Variants in RAB3GAP2 observed in about 807,000 individuals in gnomAD.
The protein encoded by RAB3GAP2 is RAB3 GTPase activating non-catalytic protein subunit 2, also known as rab3 GTPase-activating protein non-catalytic subunit.
Under a neutral mutation model 185.3 loss-of-function variants are expected in RAB3GAP2, and 87 were observed. That is an observed-to-expected ratio of 0.47 (90% CI 0.39 to 0.56). The LOEUF (loss-of-function observed/expected upper bound fraction) is 0.56, where lower values mean the gene tolerates loss of function less well. RAB3GAP2 is among the 20% of genes least tolerant of loss of function. The probability of loss-of-function intolerance (pLI) is 0.00; values close to 1 mark genes in which losing one functional copy is unlikely to be tolerated. For missense variants in RAB3GAP2, 1,492 were observed against 1,638.2 expected (o/e 0.91, Z 1.54); for synonymous variants, 554 against 576.1 (o/e 0.96, Z 0.55).
intron 8 of RAB3GAP2, among the ~76,000 whole-genome samples, chr1:220,204,877 T>A (rs543204502): frequency 7.9e-5 from 12 of 152,122 alleles, no homozygotes; most frequent in African/African-American, 2.2e-4. Flanking sequence ...GAGAATGGTT[T>A]CCAGTTTCAT....
intron 20 of RAB3GAP2, 33 bp downstream of exon 20, chr1:220,182,685 G>A (rs1266015148): frequency 6.9e-7 from 1 of 1,443,840 alleles, no homozygotes; most frequent in East Asian, 2.3e-5. Context: ...TAAAAGAAGA[G>A]GCATACAAAG....
At chr1:220,171,745 A>G (rs1398994374) in intron 23 of RAB3GAP2, 144 bp downstream of exon 23, 2 of 865,636 alleles carry the variant, frequency 2.3e-6, no homozygotes, top group Admixed American at 4.5e-5. Context: ...TATCCACGGC[A>G]TCATTCTCAA....
Position 220,157,536 on chromosome 1 carries a change from T to C in RAB3GAP2, c.3337-48A>G, listed in dbSNP as rs1400491066. Reference sequence around the variant, plus strand: ...ACTGTGTTCAGTAATGGAAAAATAATAGCTTACAAATATCCCAATGAGTTT... The same window carrying C: ...ACTGTGTTCAGTAATGGAAAAATAACAGCTTACAAATATCCCAATGAGTTT... On this transcript the variant is annotated intron_variant, in intron 30 of 34. Transcript: ENST00000358951. The C allele has an allele frequency of 1.9e-6, 3 of 1,568,458 alleles. No individual in the cohort carries two copies. The East Asian group carries it at 6.7e-5, about 35-fold the overall frequency.
At position 220,167,527 on chromosome 1, in the gene RAB3GAP2, C is replaced by T. The variant is rs754509783; in HGVS notation, c.2955G>A (p.Met985Ile). ...VNRSFLEVSE[M>I]EMDLGAIPDL... ...CTGGTATGGCTCCTAAGTCCATCTC[C>T]ATCTCTGATACCTCAAGGAAACTTC... The change falls in exon 25 of 35, where the codon ATG becomes ATA. Residue 985 changes from methionine (M) to isoleucine (I), a missense_variant. Around this residue, in one of 5 missense-constraint regions of RAB3GAP2, gnomAD observed 681 missense variants for 689.1 expected, o/e 0.99. Transcript: ENST00000358951. The T allele has an allele frequency of 3.3e-5, 54 of 1,614,020 alleles. No homozygotes were observed. Among genetic ancestry groups the T allele is most frequent in the Non-Finnish European group, 4.5e-5 (53 of 1,180,020 alleles).
chr1:220,189,559 A>C lies in RAB3GAP2; in HGVS notation c.1779+144T>G, dbSNP rs557281465. Reference sequence around the variant, plus strand: ...AAGAGACAACAGGAACTTCTATCTGAAAATAAAGAAAGGGATAAACAATAA... The same window carrying C: ...AAGAGACAACAGGAACTTCTATCTGCAAATAAAGAAAGGGATAAACAATAA... On this transcript the variant is annotated intron_variant, in intron 17 of 34. Coordinates refer to ENST00000358951, the MANE Select transcript of RAB3GAP2 (RefSeq NM_012414.4). 9.3e-6 allele frequency: 7 copies of C among 752,486 alleles called. No individual in the cohort carries two copies. In the African/African-American group the frequency reaches 1.3e-4, roughly 14 times the overall value. 46.6% of individuals were successfully genotyped at this position (752,486 alleles called of 1,614,324 possible). A position where few individuals can be genotyped will look rare whatever the true frequency, so the allele number is the denominator to read the frequency against.
chr1:220,229,210 C>T (rs190413373), intron 2 of RAB3GAP2, among the ~76,000 whole-genome samples: 3 of 152,060 alleles, frequency 2.0e-5, no homozygotes, highest in Non-Finnish European at 2.9e-5. Flanking sequence ...AAGAGGCACA[C>T]GACCCTCATG....
chr1:220,172,136 C>CT, intron 22 of RAB3GAP2, 87 bp from the exon 23 acceptor site: 1 of 1,295,310 alleles, frequency 7.7e-7, no homozygotes, highest in South Asian at 1.3e-5. Flanking sequence ...AATGTTAAAA[C>CT]TAAGTTACCT....
At chr1:220,160,627 T>TC (rs1485933652) in intron 28 of RAB3GAP2, among the ~76,000 whole-genome samples, 3 of 152,206 alleles carry the variant, frequency 2.0e-5, no homozygotes, top group Admixed American at 2.0e-4. Flanking sequence ...TAGCCTATGT[T>TC]CCAGCCATCC....
At chr1:220,182,467 G>C (rs962568065) in intron 20 of RAB3GAP2, 113 bp from the exon 21 acceptor site, 41 of 1,503,240 alleles carry the variant, frequency 2.7e-5, no homozygotes, top group Non-Finnish European at 3.3e-5. Context: ...TGAAGGAAGA[G>C]AAATTAATTG....
chr1:220,161,268 A>T (rs974238603), intron 28 of RAB3GAP2, among the ~76,000 whole-genome samples: 1 of 152,182 alleles, frequency 6.6e-6, no homozygotes, highest in Non-Finnish European at 1.5e-5. Flanking sequence ...CAAGGGGAGC[A>T]GTGGCCTAAA....
intron 1 of RAB3GAP2, among the ~76,000 whole-genome samples, chr1:220,242,885 C>T (rs1380286565): frequency 6.6e-6 from 1 of 152,140 alleles, no homozygotes. Context: ...CAAATGCCTA[C>T]ATGTGACATT....
At chr1:220,182,562 A>G (rs865782127) in intron 20 of RAB3GAP2, among the ~76,000 whole-genome samples, 156 bp downstream of exon 20, 1 of 152,216 alleles carries the variant, frequency 6.6e-6, no homozygotes, top group Non-Finnish European at 1.5e-5. Context: ...CAACCTGTTG[A>G]CCAGAGTATC....
chr1:220,208,758 C>T (rs1355877098), intron 7 of RAB3GAP2, among the ~76,000 whole-genome samples: 1 of 152,132 alleles, frequency 6.6e-6, no homozygotes, highest in African/African-American at 2.4e-5. Context: ...GCTCTGTCGC[C>T]CAGGCTGGAG....
chr1:220,164,604 G>A, intron 27 of RAB3GAP2, 129 bp downstream of exon 27: 2 of 1,341,666 alleles, frequency 1.5e-6, no homozygotes, highest in South Asian at 1.3e-5. Context: ...CCAATACACA[G>A]TAATATGTTA....
rs1479241564 is a variant in RAB3GAP2, at chr1:220,210,946, T to C, written c.434+9A>G. 1 of 1,614,038 alleles carries C rather than the reference T, an allele frequency of 6.2e-7. No individual in the cohort carries two copies. Among genetic ancestry groups the C allele is most frequent in the South Asian group, 1.1e-5 (1 of 91,070 alleles). The stretch of plus-strand genomic sequence containing the variant: ...GCAAAGAAAACAGATGACTCTTATT[T>C]ATCCTTACCTCTTTTGGCTTGCTAG... On this transcript the variant is annotated intron_variant, in intron 5 of 34. Transcript: ENST00000358951.
intron 9 of RAB3GAP2, among the ~76,000 whole-genome samples, chr1:220,201,059 T>A (rs911756033): frequency 6.6e-6 from 1 of 152,186 alleles, no homozygotes; most frequent in Non-Finnish European, 1.5e-5. Flanking sequence ...GCCATTCTCA[T>A]GTGTTTCTTC....
chr1:220,229,823 A>C (rs1468931343), intron 2 of RAB3GAP2, among the ~76,000 whole-genome samples: 1 of 152,234 alleles, frequency 6.6e-6, no homozygotes, highest in Admixed American at 6.5e-5. Flanking sequence ...TGTCCACTTT[A>C]GTATGCAATG....
chr1:220,176,999 T>C (rs1658304108), intron 21 of RAB3GAP2, among the ~76,000 whole-genome samples: 1 of 152,144 alleles, frequency 6.6e-6, no homozygotes, highest in Non-Finnish European at 1.5e-5. Context: ...CAGCCTCCTT[T>C]TCACACAGAT....
chr1:220,252,610 C>T (rs1158310700), intron 1 of RAB3GAP2, among the ~76,000 whole-genome samples: 1 of 152,202 alleles, frequency 6.6e-6, no homozygotes, highest in Non-Finnish European at 1.5e-5. Context: ...CCAAAGAAAC[C>T]GTCACCTCCC....
Sources: gnomAD v4.1 joint callset for allele counts (sites outside exome capture counted in the v4.1 genomes callset) on GRCh38, gnomAD v4.1.1 for gene constraint, gnomAD v4.1.1 regional missense constraint, MANE v1.5 for transcripts, NCBI Gene and HGNC (gene_info 2026-07-23, HGNC 2026-07-21) for gene names.